The following BTBD10 variants were observed in gnomAD, a reference collection of about 807,000 sequenced individuals.
BTBD10 encodes the protein BTB/POZ domain-containing protein 10.
A neutral mutation model predicts 53.2 loss-of-function variants in BTBD10; 21 were observed. That is an observed-to-expected ratio of 0.39 (90% CI 0.28 to 0.57). The LOEUF is 0.57. Ranked by LOEUF, BTBD10 falls within the 20% of genes least tolerant of loss-of-function variation. BTBD10 has a pLI of 0.53. For synonymous variants in BTBD10, 149 were observed against 192.7 expected, an observed-to-expected ratio of 0.77 and a Z score of 1.88; for missense variants, 360 against 594.7, an observed-to-expected ratio of 0.61 and a Z score of 4.10.
At chr11:13,397,566 T>C (rs1949589215) in intron 8 of BTBD10, among the ~76,000 whole-genome samples, 1 of 152,246 alleles carries the variant, frequency 6.6e-6, no homozygotes, top group Non-Finnish European at 1.5e-5. Flanking sequence ...ATCTTAGTTA[T>C]TTCTTGCCTT....
chr11:13,452,236 A>T (rs746680112), intron 1 of BTBD10, among the ~76,000 whole-genome samples: 12 of 152,226 alleles, frequency 7.9e-5, no homozygotes, highest in Non-Finnish European at 1.5e-4. Flanking sequence ...ATATGATTTC[A>T]TATGTATGAA....
intron 2 of BTBD10, among the ~76,000 whole-genome samples, chr11:13,422,704 C>G (rs1365517996): frequency 6.6e-6 from 1 of 152,170 alleles, no homozygotes; most frequent in East Asian, 1.9e-4. Flanking sequence ...CCTACTCTGA[C>G]TACATAAAGT....
intron 5 of BTBD10, among the ~76,000 whole-genome samples, chr11:13,415,689 TTATC>T (rs1950089092): frequency 6.6e-6 from 1 of 152,172 alleles, no homozygotes; most frequent in South Asian, 2.1e-4. Flanking sequence ...AGTTTGTAAA[TTATC>T]TAAATATTTT....
chr11:13,397,378 G>C (rs1461679915), intron 8 of BTBD10, among the ~76,000 whole-genome samples: 1 of 152,124 alleles, frequency 6.6e-6, no homozygotes, highest in African/African-American at 2.4e-5. Flanking sequence ...CTGTGGGATT[G>C]GTGGTGATAT....
intron 8 of BTBD10, among the ~76,000 whole-genome samples, chr11:13,393,531 T>C (rs997138768): frequency 3.9e-5 from 6 of 152,156 alleles, no homozygotes; most frequent in African/African-American, 1.4e-4. Flanking sequence ...GTTATGACTA[T>C]TCTACTTATT....
intron 2 of BTBD10, among the ~76,000 whole-genome samples, chr11:13,437,783 T>C (rs1036751228): frequency 2.0e-5 from 3 of 152,182 alleles, no homozygotes; most frequent in Admixed American, 1.3e-4. Context: ...CATTTTTAAT[T>C]CCAAAATCTC....
intron 2 of BTBD10, among the ~76,000 whole-genome samples, chr11:13,430,028 C>T (rs766635731): frequency 9.2e-5 from 14 of 151,974 alleles, no homozygotes; most frequent in Non-Finnish European, 1.8e-4. Flanking sequence ...ATTGCTTGAG[C>T]CCAGAAGTTT....
intron 2 of BTBD10, among the ~76,000 whole-genome samples, chr11:13,433,325 T>G (rs1950485792): frequency 6.6e-6 from 1 of 152,226 alleles, no homozygotes; most frequent in African/African-American, 2.4e-5. Flanking sequence ...TTTCAGAAGG[T>G]GTCCTGTCCC....
At chr11:13,428,204 A>C (rs1399867995) in intron 2 of BTBD10, among the ~76,000 whole-genome samples, 1 of 152,128 alleles carries the variant, frequency 6.6e-6, no homozygotes, top group East Asian at 1.9e-4. Context: ...TAAATTCAAC[A>C]ACTCAGAATG....
chr11:13,389,452 G>A (rs532974342), intron 8 of BTBD10, among the ~76,000 whole-genome samples: 5 of 145,012 alleles, frequency 3.4e-5, no homozygotes, highest in Admixed American at 2.8e-4. Flanking sequence ...TTTTTGACAT[G>A]GAGTCTCACT....
chr11:13,390,121 A>C (rs1949368666), intron 8 of BTBD10, among the ~76,000 whole-genome samples: 1 of 152,144 alleles, frequency 6.6e-6, no homozygotes, highest in Non-Finnish European at 1.5e-5. Flanking sequence ...TAGTAAGGCC[A>C]CTTCTCCAAA....
chr11:13,428,503 C>T (rs1950388381), intron 2 of BTBD10, among the ~76,000 whole-genome samples: 1 of 151,932 alleles, frequency 6.6e-6, no homozygotes. Flanking sequence ...GAAATAATAC[C>T]TTTACCTAAA....
intron 3 of BTBD10, among the ~76,000 whole-genome samples, chr11:13,420,108 AGTT>A (rs1299801657): frequency 2.0e-5 from 3 of 152,186 alleles, no homozygotes; most frequent in African/African-American, 7.2e-5. Flanking sequence ...ATGCTTTGAA[AGTT>A]ATTACAGTAA....
chr11:13,451,499 C>T (rs1034169367), intron 1 of BTBD10, among the ~76,000 whole-genome samples: 12 of 152,102 alleles, frequency 7.9e-5, no homozygotes, highest in African/African-American at 2.9e-4. Context: ...AAAGCCTTCC[C>T]TTTGCCCTGA....
intron 2 of BTBD10, among the ~76,000 whole-genome samples, chr11:13,429,708 A>G (rs183042200): frequency 6.6e-5 from 10 of 152,310 alleles, no homozygotes; most frequent in Non-Finnish European, 1.3e-4. Context: ...ACTTAAAACT[A>G]CAGAACTTCT....
chr11:13,388,726 T>C lies in BTBD10; in HGVS notation c.*105A>G, dbSNP rs779651849. Reference sequence around the variant, plus strand: ...CTACACTGCAATATCCTAAACATTGTTATGTGCATCTCACAATGAAGAAGA... The same window carrying C: ...CTACACTGCAATATCCTAAACATTGCTATGTGCATCTCACAATGAAGAAGA... On this transcript the variant is annotated 3_prime_UTR_variant, in exon 9 of 9. Transcript: ENST00000278174. 7.2e-6 allele frequency: 9 copies of C among 1,251,304 alleles called. No homozygotes were observed. The highest frequency in any genetic ancestry group is 1.0e-5 in the Non-Finnish European group (9 of 898,894). The allele number at this position is 1,251,304 out of a possible 1,614,324, so 77.5% of individuals were successfully genotyped here. A position where few individuals can be genotyped will look rare whatever the true frequency, so the allele number is the denominator to read the frequency against.
chr11:13,415,842 G>C (rs1016202861), intron 5 of BTBD10, among the ~76,000 whole-genome samples: 4 of 151,654 alleles, frequency 2.6e-5, no homozygotes, highest in Admixed American at 2.6e-4. Context: ...TTTTGGTAGA[G>C]ATGGGGTTTT....
intron 1 of BTBD10, among the ~76,000 whole-genome samples, chr11:13,461,620 AG>A (rs1464747535): frequency 6.6e-6 from 1 of 152,218 alleles, no homozygotes; most frequent in African/African-American, 2.4e-5. Context: ...CATGGCTTAG[AG>A]GGAGTGAGAA....
rs116650809 is a variant in BTBD10 at position 13,434,212 on chromosome 11, G to A, written c.101+10812C>T. Among the ~76,000 whole-genome samples, 949 of 152,222 alleles carry A rather than the reference G, an allele frequency of 6.2e-3. 5 individuals carry two copies. Among genetic ancestry groups the A allele is most frequent in the Non-Finnish European group, 0.011 (725 of 68,014 alleles). On this transcript the variant is annotated intron_variant, in intron 2 of 8. Coordinates refer to ENST00000278174, the MANE Select transcript of BTBD10 (RefSeq NM_032320.7). ...CTAAAATCCCATTGCAGCAGCAGCA[G>A]CAGCGCCTAAGAGTATCTTTTCAAA...
Sources: allele counts gnomAD v4.1 joint callset (sites outside exome capture counted in the v4.1 genomes callset), GRCh38; gene constraint gnomAD v4.1.1; transcripts MANE v1.5; gene names NCBI Gene and HGNC (gene_info 2026-07-23, HGNC 2026-07-21).